The following MTUS2 variants were observed in gnomAD, a reference collection of about 807,000 sequenced individuals.
MTUS2 encodes microtubule-associated tumor suppressor candidate 2.
Under a neutral mutation model 114.1 loss-of-function variants are expected in MTUS2, and 40 were observed. The observed-to-expected ratio is 0.35, with a 90% confidence interval of 0.27 to 0.46. The LOEUF is 0.46. MTUS2 is among the 20% of genes least tolerant of loss of function. MTUS2 has a pLI of 1.00. For missense variants in MTUS2, 1,679 were observed against 1,705.4 expected (o/e 0.98, Z 0.27); for synonymous variants, 688 against 672.0 (o/e 1.02, Z -0.37).
chr13:29,399,524 A>G (rs1256747225), intron 8 of MTUS2, among the ~76,000 whole-genome samples: 2 of 152,236 alleles, frequency 1.3e-5, no homozygotes, highest in Non-Finnish European at 2.9e-5. Flanking sequence ...CAGAAATTCA[A>G]GAACTTGGAA....
At chr13:29,244,683 G>A (rs1042242370) in intron 5 of MTUS2, among the ~76,000 whole-genome samples, 1 of 152,128 alleles carries the variant, frequency 6.6e-6, no homozygotes, top group East Asian at 1.9e-4. Context: ...TGGGCCGGGC[G>A]CGGTGGCTCA....
At chr13:28,848,893 C>T (rs1876065172) in intron 2 of MTUS2, among the ~76,000 whole-genome samples, 1 of 152,200 alleles carries the variant, frequency 6.6e-6, no homozygotes, top group African/African-American at 2.4e-5. Context: ...TGCTGCTCAT[C>T]ATCCTGTAAT....
At position 29,505,188 on chromosome 13, in the gene MTUS2, C is replaced by G; in HGVS notation, c.*1982C>G. 4.3e-6 allele frequency: 1 copy of G among 232,190 alleles called. No homozygotes were observed. The allele number at this position is 232,190 out of a possible 1,614,324, so 14.4% of individuals were successfully genotyped here. ...CAAGTATTTATTCTAGTAGCAGGCACAACCTGCAAACACAAATTCAGTTAC... is the reference window on the plus strand; with the variant it reads ...CAAGTATTTATTCTAGTAGCAGGCAGAACCTGCAAACACAAATTCAGTTAC... On this transcript the variant is annotated 3_prime_UTR_variant, in exon 16 of 16. Transcript: ENST00000612955.
At chr13:29,094,192 G>A (rs994405248) in intron 4 of MTUS2, among the ~76,000 whole-genome samples, 14 of 151,890 alleles carry the variant, frequency 9.2e-5, no homozygotes, top group African/African-American at 3.1e-4. Context: ...TTAGCATCAA[G>A]ATTATACTGG....
intron 5 of MTUS2, among the ~76,000 whole-genome samples, chr13:29,104,987 A>G (rs897565554): frequency 6.6e-6 from 1 of 152,230 alleles, no homozygotes; most frequent in African/African-American, 2.4e-5. Context: ...CCTAATGTGT[A>G]TAGGTTGTGC....
chr13:29,493,151 G>A (rs1046793173), intron 12 of MTUS2, among the ~76,000 whole-genome samples: 2 of 152,186 alleles, frequency 1.3e-5, no homozygotes, highest in African/African-American at 4.8e-5. Flanking sequence ...AAAAGGGGCT[G>A]CAGTTACCTG....
chr13:29,412,422 A>G (rs769203994), intron 8 of MTUS2, among the ~76,000 whole-genome samples: 17 of 152,270 alleles, frequency 1.1e-4, no homozygotes, highest in African/African-American at 1.9e-4. Flanking sequence ...TTAAGTCCCA[A>G]TTGGTCACAA....
At chr13:28,826,493 A>G (rs1874278736) in intron 1 of MTUS2, among the ~76,000 whole-genome samples, 1 of 152,196 alleles carries the variant, frequency 6.6e-6, no homozygotes, top group Non-Finnish European at 1.5e-5. Flanking sequence ...TGTTTACTGT[A>G]GACCCATTGT....
chr13:29,366,233 G>A lies in MTUS2; in HGVS notation c.3117+6760G>A, dbSNP rs953803288. 3.9e-5 allele frequency among the ~76,000 whole-genome samples: 6 copies of A among 152,188 alleles called. 1 individual carries two copies. Among genetic ancestry groups the A allele is most frequent in the African/African-American group, 1.4e-4 (6 of 41,426 alleles). ...TGGCTGGGAAGGCCTCACAATCATGGCAGAAGGTGAAAGGCACATCTCACA... is the reference window on the plus strand; with the variant it reads ...TGGCTGGGAAGGCCTCACAATCATGACAGAAGGTGAAAGGCACATCTCACA... On this transcript the variant is annotated intron_variant, in intron 8 of 15. Coordinates refer to ENST00000612955, the MANE Select transcript of MTUS2 (RefSeq NM_001033602.4).
At position 29,320,263 on chromosome 13, in the gene MTUS2, C is replaced by T. The variant is rs530673606; in HGVS notation, c.2807-4350C>T. 8.5e-5 allele frequency among the ~76,000 whole-genome samples: 13 copies of T among 152,198 alleles called. No individual in the cohort carries two copies. The South Asian group carries it at 1.7e-3, about 19-fold the overall frequency. ...ACCAGCCAAGGAATGAAGGAAGCCA[C>T]GAGAGGCGAACAAGGCAAGGAAACG... On this transcript the variant is annotated intron_variant, in intron 6 of 15. Transcript: ENST00000612955.
At chr13:29,396,528 AT>A (rs372300726) in intron 8 of MTUS2, among the ~76,000 whole-genome samples, 1 of 152,206 alleles carries the variant, frequency 6.6e-6, no homozygotes, top group African/African-American at 2.4e-5. Flanking sequence ...ATGAAATTAA[AT>A]TCATTAGGAT....
At chr13:28,895,990 C>T (rs1166625958) in intron 2 of MTUS2, among the ~76,000 whole-genome samples, 2 of 151,986 alleles carry the variant, frequency 1.3e-5, no homozygotes, top group Non-Finnish European at 2.9e-5. Context: ...TATTTTAAAT[C>T]TGGAATAGAA....
intron 5 of MTUS2, among the ~76,000 whole-genome samples, chr13:29,104,952 A>G (rs1340581572): frequency 6.6e-6 from 1 of 152,188 alleles, no homozygotes; most frequent in Admixed American, 6.5e-5. Flanking sequence ...GTACTATAGA[A>G]TTTAGTGTCG....
intron 5 of MTUS2, among the ~76,000 whole-genome samples, chr13:29,247,974 C>CA (rs1225981146): frequency 2.0e-5 from 3 of 152,168 alleles, no homozygotes; most frequent in African/African-American, 7.2e-5. Context: ...GTGCAATTCA[C>CA]AATTCCAAAA....
chr13:29,389,363 G>GTGTGTATATGTATA (rs1566172606), intron 8 of MTUS2, among the ~76,000 whole-genome samples: 1 of 57,516 alleles, frequency 1.7e-5, no homozygotes, highest in Non-Finnish European at 3.2e-5. Flanking sequence ...ATATATGTAT[G>GTGTGTATATGTATA]CACGTGTGTG....
chr13:29,090,163 G>A (rs1168359137), intron 4 of MTUS2, among the ~76,000 whole-genome samples: 1 of 152,156 alleles, frequency 6.6e-6, no homozygotes, highest in Non-Finnish European at 1.5e-5. Context: ...AGTTGGGTTT[G>A]GCTGACTTTG....
At chr13:28,835,964 A>G (rs902478416) in intron 1 of MTUS2, among the ~76,000 whole-genome samples, 1 of 152,144 alleles carries the variant, frequency 6.6e-6, no homozygotes, top group Non-Finnish European at 1.5e-5. Context: ...CTCTGGCTCT[A>G]TGTCATTCGG....
intron 2 of MTUS2, among the ~76,000 whole-genome samples, chr13:28,907,958 G>A (rs528159911): frequency 1.3e-5 from 2 of 151,274 alleles, no homozygotes; most frequent in Non-Finnish European, 2.9e-5. Flanking sequence ...CCTGTGGGCC[G>A]TCTGTTATTT....
At chr13:29,406,344 G>T (rs1048956735) in intron 8 of MTUS2, among the ~76,000 whole-genome samples, 1 of 152,160 alleles carries the variant, frequency 6.6e-6, no homozygotes, top group Non-Finnish European at 1.5e-5. Flanking sequence ...TCAGGCTGTT[G>T]TCAGAAGCTG....
Sources: gnomAD v4.1 joint callset for allele counts (sites outside exome capture counted in the v4.1 genomes callset) on GRCh38, gnomAD v4.1.1 for gene constraint, MANE v1.5 for transcripts, NCBI Gene and HGNC (gene_info 2026-07-23, HGNC 2026-07-21) for gene names.